FGGY: variants seen among roughly 807,000 people sequenced by gnomAD.
FGGY encodes the protein FGGY carbohydrate kinase domain-containing protein.
In FGGY, 72 loss-of-function variants were observed where a neutral mutation model predicts 71.3. The observed-to-expected ratio is 1.01, with a 90% CI of 0.84 to 1.23. The LOEUF is 1.23. Ranked by LOEUF, FGGY falls within the 50% of genes most tolerant of loss-of-function variation. FGGY has a pLI of 0.00. For synonymous variants in FGGY, 251 were observed against 250.3 expected (o/e 1.00, Z -0.02); for missense variants, 668 against 682.3 (o/e 0.98, Z 0.23).
At position 59,590,962 on chromosome 1, in the gene FGGY, G is replaced by T. The variant is rs1027741470; in HGVS notation, c.904-16841G>T. The stretch of plus-strand genomic sequence containing the variant: ...AGGGCAATTAGGCAGGAGAAGGAAA[G>T]AAAGGGTATTCAATTAGGAAAAGAG... On this transcript the variant is annotated intron_variant, in intron 8 of 15. Coordinates refer to ENST00000303721, the MANE Select transcript of FGGY (RefSeq NM_018291.5). Among the ~76,000 whole-genome samples the T allele has an allele frequency of 3.7e-4, 56 of 152,222 alleles. 1 individual carries two copies. The highest frequency in any genetic ancestry group is 5.4e-4 in the Non-Finnish European group (37 of 67,998).
intron 5 of FGGY, among the ~76,000 whole-genome samples, chr1:59,379,166 C>A (rs1046985324): frequency 1.3e-5 from 2 of 151,068 alleles, no homozygotes; most frequent in African/African-American, 2.4e-5. Flanking sequence ...AAAATAAACA[C>A]ACACACACAC....
intron 7 of FGGY, among the ~76,000 whole-genome samples, chr1:59,525,800 G>T (rs76159761): frequency 0.063 from 9,538 of 152,112 alleles, 596 homozygotes; most frequent in African/African-American, 0.16. Context: ...GTATTTATAG[G>T]TATATGTAAG....
intron 3 of FGGY, among the ~76,000 whole-genome samples, chr1:59,345,608 A>T (rs973920145): frequency 7.9e-5 from 12 of 152,054 alleles, no homozygotes; most frequent in African/African-American, 2.9e-4. Context: ...TGAATTATAC[A>T]TCTTCATCTG....
At chr1:59,576,596 A>G (rs558550453) in intron 8 of FGGY, among the ~76,000 whole-genome samples, 132 of 152,002 alleles carry the variant, frequency 8.7e-4, no homozygotes, top group African/African-American at 3.0e-3. Context: ...TCTTATTTCT[A>G]ATCTTAGAGG....
At chr1:59,568,067 A>C (rs371544838) in intron 8 of FGGY, among the ~76,000 whole-genome samples, 1 of 152,136 alleles carries the variant, frequency 6.6e-6, no homozygotes, top group African/African-American at 2.4e-5. Context: ...TATATACAAT[A>C]TAATGCATAA....
intron 8 of FGGY, among the ~76,000 whole-genome samples, chr1:59,590,928 A>G (rs865986948): frequency 6.6e-5 from 10 of 152,262 alleles, no homozygotes; most frequent in Admixed American, 3.9e-4. Context: ...AGTGTTGGAA[A>G]TTCTGGCCAG....
At position 59,484,680 on chromosome 1, in the gene FGGY, C is replaced by G. The variant is rs566806614; in HGVS notation, c.670+27604C>G. On this transcript the variant is annotated intron_variant, in intron 6 of 15. Transcript: ENST00000303721. ...AAAAAGTACTCAGATTATTGATAAT[C>G]CATAATTAATATGAAGTAAATAATG... is the stretch of plus-strand genomic sequence containing the variant. Among the ~76,000 whole-genome samples the G allele has an allele frequency of 6.7e-4, 102 of 152,084 alleles. No homozygotes were observed. In the Middle Eastern group the frequency reaches 0.024, roughly 36 times the overall value.
intron 7 of FGGY, among the ~76,000 whole-genome samples, chr1:59,517,497 C>T (rs2094696652): frequency 6.6e-6 from 1 of 151,976 alleles, no homozygotes; most frequent in Admixed American, 6.6e-5. Context: ...GATCTCCTGA[C>T]CTCGTGATCC....
chr1:59,477,668 A>G (rs773354845), intron 6 of FGGY, among the ~76,000 whole-genome samples: 1 of 152,204 alleles, frequency 6.6e-6, no homozygotes, highest in Non-Finnish European at 1.5e-5. Context: ...GAAATGTACA[A>G]TCTATTATGA....
At chr1:59,432,305 A>C (rs1427925185) in intron 5 of FGGY, among the ~76,000 whole-genome samples, 1 of 152,086 alleles carries the variant, frequency 6.6e-6, no homozygotes, top group African/African-American at 2.4e-5. Context: ...TGTTTCCCTG[A>C]GTTTTGTGAG....
In FGGY at chr1:59,732,645, A is replaced by G. The variant is rs2098048389; in HGVS notation, c.1513-25286A>G. On this transcript the variant is annotated intron_variant, in intron 14 of 15. Coordinates refer to ENST00000303721, the MANE Select transcript of FGGY (RefSeq NM_018291.5). ...AGGGGGGTCAGAGATACCAAAGCAGATAGAGGAAAGGGGGGCAAGAAAGGG... is the reference window on the plus strand; with the variant it reads ...AGGGGGGTCAGAGATACCAAAGCAGGTAGAGGAAAGGGGGGCAAGAAAGGG... Among the ~76,000 whole-genome samples, 3 of 151,704 alleles carry G rather than the reference A, an allele frequency of 2.0e-5. No individual in the cohort carries two copies. The South Asian group carries it at 6.3e-4, about 32-fold the overall frequency.
chr1:59,388,244 G>A (rs2060302863), intron 5 of FGGY, among the ~76,000 whole-genome samples: 1 of 152,100 alleles, frequency 6.6e-6, no homozygotes, highest in Non-Finnish European at 1.5e-5. Context: ...TTACCACATG[G>A]CAGTGGGAAG....
intron 5 of FGGY, among the ~76,000 whole-genome samples, chr1:59,392,283 A>G (rs1017357530): frequency 6.6e-6 from 1 of 152,188 alleles, no homozygotes; most frequent in Non-Finnish European, 1.5e-5. Flanking sequence ...AAATCAGTCA[A>G]TCTGGTTAAA....
intron 14 of FGGY, among the ~76,000 whole-genome samples, chr1:59,735,467 T>G (rs952358726): frequency 6.6e-6 from 1 of 152,222 alleles, no homozygotes; most frequent in Non-Finnish European, 1.5e-5. Context: ...TTCACTCTTA[T>G]GAGAGCATTC....
At chr1:59,475,748 G>A (rs1161868965) in intron 6 of FGGY, among the ~76,000 whole-genome samples, 3 of 152,132 alleles carry the variant, frequency 2.0e-5, no homozygotes, top group East Asian at 1.9e-4. Context: ...TATTAGTATC[G>A]TAGTTCAAAG....
chr1:59,587,065 C>T (rs1462613180), intron 8 of FGGY, among the ~76,000 whole-genome samples: 9 of 152,070 alleles, frequency 5.9e-5, no homozygotes, highest in African/African-American at 2.2e-4. Context: ...ACAGATGGCA[C>T]CTGGAAAATC....
At chr1:59,473,392 C>CT in intron 6 of FGGY, among the ~76,000 whole-genome samples, 1 of 152,180 alleles carries the variant, frequency 6.6e-6, no homozygotes, top group Non-Finnish European at 1.5e-5. Flanking sequence ...AAGGAACAAA[C>CT]TCCGGACACG....
intron 11 of FGGY, among the ~76,000 whole-genome samples, chr1:59,649,885 G>C (rs1338179657): frequency 7.1e-6 from 1 of 141,084 alleles, no homozygotes; most frequent in Non-Finnish European, 1.5e-5. Flanking sequence ...TTGGCTGTGG[G>C]TTTGTCATAG....
chr1:59,465,795 C>A (rs1237880193), intron 6 of FGGY, among the ~76,000 whole-genome samples: 2 of 152,148 alleles, frequency 1.3e-5, no homozygotes, highest in Non-Finnish European at 2.9e-5. Context: ...ATCCAACTTA[C>A]AAAGGATGTG....
Sources: gnomAD v4.1 joint callset for allele counts (sites outside exome capture counted in the v4.1 genomes callset) on GRCh38, gnomAD v4.1.1 for gene constraint, MANE v1.5 for transcripts, NCBI Gene and HGNC (gene_info 2026-07-23, HGNC 2026-07-21) for gene names.